ITPR1: variants seen among roughly 807,000 people sequenced by gnomAD.
The protein encoded by ITPR1 is inositol 1,4,5-trisphosphate-gated calcium channel ITPR1.
Under a neutral mutation model 318.4 loss-of-function variants are expected in ITPR1, and 96 were observed. The ratio of observed to expected loss-of-function variants is 0.30; its 90% CI spans 0.26 to 0.36. The LOEUF (loss-of-function observed/expected upper bound fraction) is 0.36, where lower values mean the gene tolerates loss of function less well. Ranked by LOEUF, ITPR1 falls within the 10% of genes least tolerant of loss-of-function variation. The pLI is 1.00. For synonymous variants in ITPR1, 1,312 were observed against 1,289.9 expected (o/e 1.02, Z -0.37); for missense variants, 2,440 against 3,460.2 (o/e 0.71, Z 7.40).
chr3:4,699,738 A>G, intron 34 of ITPR1, 75 bp from the exon 35 acceptor site: 5 of 1,477,010 alleles, frequency 3.4e-6, no homozygotes, highest in Non-Finnish European at 4.7e-6. Context: ...AGTAACCCAC[A>G]GGAGGGAGTC....
At position 4,732,952 on chromosome 3, in the gene ITPR1, C is replaced by T. The variant is rs1488413872; in HGVS notation, c.5221-136C>T. 1.0e-5 allele frequency: 9 copies of T among 857,446 alleles called. No homozygotes were observed. In the East Asian group the frequency reaches 2.4e-4, roughly 23 times the overall value. The allele number at this position is 857,446 out of a possible 1,614,324, so 53.1% of individuals were successfully genotyped here. ...AAGTTAACTTCAGAGTTTCTAAATG[C>T]TTCCATGAATAATTTATTCTTTCGC... On this transcript the variant is annotated intron_variant, in intron 42 of 61. Transcript: ENST00000649015.
chr3:4,735,082 A>G, intron 43 of ITPR1, 82 bp from the exon 44 acceptor site: 1 of 1,057,004 alleles, frequency 9.5e-7, no homozygotes, highest in Non-Finnish European at 1.4e-6. Context: ...TTTAGTGCAT[A>G]AAGTGTTGGT....
At chr3:4,817,950 C>A in intron 59 of ITPR1, 132 bp from the exon 60 acceptor site, 2 of 660,866 alleles carry the variant, frequency 3.0e-6, no homozygotes, top group Non-Finnish European at 4.9e-6. Context: ...CTTATAAGGC[C>A]GACAGAATCC....
At chr3:4,800,659 C>T in intron 54 of ITPR1, 59 bp downstream of exon 54, 1 of 1,530,836 alleles carries the variant, frequency 6.5e-7, no homozygotes, top group Non-Finnish European at 9.0e-7. Flanking sequence ...GAATGCCTTG[C>T]ACTCTGGTTT....
rs5846332 is a variant in ITPR1 at position 4,721,172 on chromosome 3, G to GTATATATATATATATATATATA, written c.5136+3783_5136+3804dup. Among the ~76,000 whole-genome samples, 447 of 124,830 alleles carry GTATATATATATATATATATATA rather than the reference G, an allele frequency of 3.6e-3. 4 individuals carry two copies. The highest frequency in any genetic ancestry group is 5.9e-3 in the African/African-American group (161 of 27,494). 81.9% of individuals were successfully genotyped at this position (124,830 alleles called of 152,430 possible). On this transcript the variant is annotated intron_variant, in intron 40 of 61. Transcript: ENST00000649015. ...TGTGTGTAGATACGTGTGTGTGCGT[G>GTATATATATATATATATATATA]TATATATATATATATATATATATAT...
chr3:4,623,835 T>C (rs1248485021), intron 4 of ITPR1, among the ~76,000 whole-genome samples: 4 of 152,246 alleles, frequency 2.6e-5, no homozygotes, highest in African/African-American at 9.6e-5. Flanking sequence ...GCATCTCTTA[T>C]ATTTACACAG....
intron 4 of ITPR1, among the ~76,000 whole-genome samples, chr3:4,621,329 A>G (rs1000353619): frequency 6.6e-6 from 1 of 152,132 alleles, no homozygotes; most frequent in African/African-American, 2.4e-5. Context: ...AGAGCAAGAG[A>G]TCAAGGTGGG....
At chr3:4,813,797 A>T (rs1386251382) in intron 57 of ITPR1, among the ~76,000 whole-genome samples, 6 of 152,186 alleles carry the variant, frequency 3.9e-5, no homozygotes, top group Non-Finnish European at 8.8e-5. Flanking sequence ...AGGATCTTCT[A>T]TGTCAGGCGT....
At chr3:4,800,344 G>C in intron 53 of ITPR1, 81 bp from the exon 54 acceptor site, 1 of 1,428,408 alleles carries the variant, frequency 7.0e-7, no homozygotes, top group Admixed American at 2.2e-5. Flanking sequence ...TGAGGAATCT[G>C]TAACAGTGCA....
chr3:4,749,015 CGCTTCGGTGACATGA>C (rs1245994441), intron 44 of ITPR1, among the ~76,000 whole-genome samples: 3 of 152,164 alleles, frequency 2.0e-5, no homozygotes, highest in Admixed American at 6.5e-5. Flanking sequence ...TGGGCTGATG[CGCTTCGGTGACATGA>C]CCCAGAACCA....
chr3:4,685,291 TTAGTGAA>T, intron 30 of ITPR1, 85 bp downstream of exon 30: 2 of 1,350,242 alleles, frequency 1.5e-6, no homozygotes. Context: ...CTGGATATTG[TTAGTGAA>T]GAAATGCATC....
At position 4,779,310 on chromosome 3, in the gene ITPR1, C is replaced by A. The variant is rs755021091; in HGVS notation, c.6292-240C>A. ...AACATTAGGGCATAACACACATGCC[C>A]TGACAAATATGTGCCTCTTTGTCCG... is the stretch of plus-strand genomic sequence containing the variant. On this transcript the variant is annotated intron_variant, in intron 48 of 61. Transcript: ENST00000649015. This position sits in a 1 kb window ranked among gnomAD's most constrained non-coding sequence, Gnocchi z 4.0. Among the ~76,000 whole-genome samples, 1 of 152,260 alleles carries A rather than the reference C, an allele frequency of 6.6e-6. No homozygotes were observed. The highest frequency in any genetic ancestry group is 1.5e-5 in the Non-Finnish European group (1 of 68,050).
chr3:4,713,502 C>T (rs927440738), intron 39 of ITPR1, among the ~76,000 whole-genome samples: 2 of 152,188 alleles, frequency 1.3e-5, no homozygotes, highest in African/African-American at 2.4e-5. Context: ...TCTCTATTGC[C>T]TGGCGGACAA....
At chr3:4,567,809 G>A (rs1250566136) in intron 4 of ITPR1, among the ~76,000 whole-genome samples, 1 of 152,086 alleles carries the variant, frequency 6.6e-6, no homozygotes, top group Non-Finnish European at 1.5e-5. Flanking sequence ...TCACCATGTT[G>A]TCCAGGCTAG....
At chr3:4,722,063 A>G (rs145149277) in intron 40 of ITPR1, among the ~76,000 whole-genome samples, 9 of 152,376 alleles carry the variant, frequency 5.9e-5, no homozygotes, top group African/African-American at 1.9e-4. Context: ...CCAAGGTACC[A>G]TAATGAGGGC....
intron 60 of ITPR1, among the ~76,000 whole-genome samples, chr3:4,829,802 C>T (rs2050323016): frequency 6.6e-6 from 1 of 152,054 alleles, no homozygotes; most frequent in South Asian, 2.1e-4. Flanking sequence ...TTTAGAATAT[C>T]ACACAGAATA....
intron 11 of ITPR1, among the ~76,000 whole-genome samples, chr3:4,653,300 C>A (rs551146665): frequency 6.6e-6 from 1 of 152,236 alleles, no homozygotes; most frequent in East Asian, 1.9e-4. Flanking sequence ...CTCAGCCCCC[C>A]ACGGTGCCTA....
At chr3:4,580,262 C>T (rs1180493159) in intron 4 of ITPR1, among the ~76,000 whole-genome samples, 1 of 152,112 alleles carries the variant, frequency 6.6e-6, no homozygotes, top group Non-Finnish European at 1.5e-5. Context: ...ATATGGTTCA[C>T]GTGCCCTTGA....
At chr3:4,688,399 CCTT>C (rs2094431057) in intron 30 of ITPR1, 93 bp from the exon 31 acceptor site, 2 of 1,483,602 alleles carry the variant, frequency 1.3e-6, no homozygotes, top group African/African-American at 2.8e-5. Context: ...CCAGCAAACA[CCTT>C]CTGACTCCCA....
Sources: allele counts gnomAD v4.1 joint callset (sites outside exome capture counted in the v4.1 genomes callset), GRCh38; gene constraint gnomAD v4.1.1; non-coding constraint Gnocchi (gnomAD v3.1); transcripts MANE v1.5; gene names NCBI Gene and HGNC (gene_info 2026-07-23, HGNC 2026-07-21).